CFHR1: variants seen among roughly 807,000 people sequenced by gnomAD.
CFHR1 encodes the protein complement factor H-related protein 1.
A neutral mutation model predicts 30.4 loss-of-function variants in CFHR1; 22 were observed. The ratio of observed to expected loss-of-function variants is 0.72; its 90% CI spans 0.52 to 1.03. The LOEUF (loss-of-function observed/expected upper bound fraction) is 1.03, where lower values mean the gene tolerates loss of function less well. Ranked by LOEUF, CFHR1 falls within the 50% of genes least tolerant of loss-of-function variation. CFHR1 has a pLI of 0.00. For synonymous variants in CFHR1, 95 were observed against 129.1 expected (o/e 0.74, Z 1.79); for missense variants, 248 against 380.6 (o/e 0.65, Z 2.90).
rs148561849 is a variant in CFHR1 at position 196,825,580 on chromosome 1, C to T, written c.162C>T (p.Ser54=). 432 of 1,524,086 alleles carry T rather than the reference C, an allele frequency of 2.8e-4. 80 individuals carry two copies. The highest frequency in any genetic ancestry group is 3.6e-4 in the Non-Finnish European group (407 of 1,128,294). 94.4% of individuals were successfully genotyped at this position (1,524,086 alleles called of 1,614,324 possible). The change falls in exon 2 of 6, where the codon TCC becomes TCT. Residue 54 remains serine (S), a synonymous_variant. Coordinates refer to ENST00000320493, the MANE Select transcript of CFHR1 (RefSeq NM_002113.3). ...QVPTGEVFYY[S]CEYNFVSPSK... is the part of the protein sequence containing the mutation. ...CTACAGGGGAAGTTTTCTATTACTCCTGTGAATATAATTTTGTGTCTCCTT... is the reference window on the plus strand; with the variant it reads ...CTACAGGGGAAGTTTTCTATTACTCTTGTGAATATAATTTTGTGTCTCCTT...
rs1182883496 is a variant in CFHR1 at position 196,820,923 on chromosome 1, T to A, written c.58+1021T>A. 5 of 133,728 alleles carry A rather than the reference T, an allele frequency of 3.7e-5. 1 individual carries two copies. The highest frequency in any genetic ancestry group is 7.7e-5 in the Non-Finnish European group (5 of 64,948). 8.3% of individuals were successfully genotyped at this position (133,728 alleles called of 1,614,324 possible). On this transcript the variant is annotated intron_variant, in intron 1 of 5. Coordinates refer to ENST00000320493, the MANE Select transcript of CFHR1 (RefSeq NM_002113.3). ...GGTGTGATTTCGGCTCACCACAACT[T>A]CCATCTCCTGGGTTCAAGCAATTCT...
At chr1:196,828,992 TTTCTGTCTG>T (rs1416805454) in intron 4 of CFHR1, among the ~76,000 whole-genome samples, 1 of 134,026 alleles carries the variant, frequency 7.5e-6, no homozygotes, top group Non-Finnish European at 1.6e-5. Flanking sequence ...CATTTATTTG[TTTCTGTCTG>T]TTCCCTCTGG....
At position 196,828,211 on chromosome 1, in the gene CFHR1, T is replaced by C; in HGVS notation, c.572T>C (p.Leu191Ser). 1 of 1,237,536 alleles carries C rather than the reference T, an allele frequency of 8.1e-7. No homozygotes were observed. The highest frequency in any genetic ancestry group is 2.6e-5 in the East Asian group (1 of 38,288). 76.7% of individuals were successfully genotyped at this position (1,237,536 alleles called of 1,614,324 possible). The change falls in exon 4 of 6, where the codon TTA becomes TCA. Residue 191 changes from leucine to serine, a missense_variant. Transcript: ENST00000320493. ...EMFGDEEVMC[L>S]NGNWTEPPQC... Reference sequence around the variant, plus strand: ...TTTGGGGATGAAGAAGTGATGTGTTTAAATGGAAACTGGACAGAACCACCT... The same window carrying C: ...TTTGGGGATGAAGAAGTGATGTGTTCAAATGGAAACTGGACAGAACCACCT...
At position 196,826,812 on chromosome 1, in the gene CFHR1, C is replaced by A; in HGVS notation, c.254-17C>A. The A allele has an allele frequency of 6.6e-7, 1 of 1,513,430 alleles. No homozygotes were observed. The highest frequency in any genetic ancestry group is 1.7e-5 in the Admixed American group (1 of 57,942). The allele number at this position is 1,513,430 out of a possible 1,614,324, so 93.8% of individuals were successfully genotyped here. A position where few individuals can be genotyped will look rare whatever the true frequency, so the allele number is the denominator to read the frequency against. On this transcript the variant is annotated splice_polypyrimidine_tract_variant and intron_variant, in intron 2 of 5. Transcript: ENST00000320493. ...TGCTACTTCCATCTTGTACATTAAT[C>A]CGTTTTTGGTCCTTAGGACTGTGTT...
chr1:196,827,215 G>A lies in CFHR1; in HGVS notation c.430+210G>A, dbSNP rs1209101242. On this transcript the variant is annotated intron_variant, in intron 3 of 5. Transcript: ENST00000320493. ...GTTCTCAAAGTGTGGTCGCTAAACCGGTAGCATCATCATCTCCTTGGAGAT... is the reference window on the plus strand; with the variant it reads ...GTTCTCAAAGTGTGGTCGCTAAACCAGTAGCATCATCATCTCCTTGGAGAT... Among the ~76,000 whole-genome samples the A allele has an allele frequency of 5.9e-5, 8 of 135,162 alleles. 2 individuals are homozygous for A. Among genetic ancestry groups the A allele is most frequent in the Admixed American group, 1.4e-4 (2 of 14,014 alleles). The allele number at this position is 135,162 out of a possible 152,430, so 88.7% of individuals were successfully genotyped here. A position where few individuals can be genotyped will look rare whatever the true frequency, so the allele number is the denominator to read the frequency against.
chr1:196,829,578 G>A (rs193090909), intron 4 of CFHR1, among the ~76,000 whole-genome samples: 3 of 134,116 alleles, frequency 2.2e-5, no homozygotes, highest in African/African-American at 6.4e-5. Flanking sequence ...GTAAAAGATC[G>A]TGTCACTGGA....
Position 196,820,403 on chromosome 1 carries a change from A to G in CFHR1, c.58+501A>G, listed in dbSNP as rs1353285041. 4.2e-5 allele frequency among the ~76,000 whole-genome samples: 4 copies of G among 95,904 alleles called. 2 individuals are homozygous for G. The highest frequency in any genetic ancestry group is 2.2e-4 in the Admixed American group (2 of 8,904). The allele number at this position is 95,904 out of a possible 152,430, so 62.9% of individuals were successfully genotyped here. ...ATATTTTACTGAAACAATAGAAAAT[A>G]TCATTTATATATAAACCAGTGAACT... On this transcript the variant is annotated intron_variant, in intron 1 of 5. Coordinates refer to ENST00000320493, the MANE Select transcript of CFHR1 (RefSeq NM_002113.3).
chr1:196,829,686 A>G lies in CFHR1; in HGVS notation c.608-814A>G, dbSNP rs1209223381. Among the ~76,000 whole-genome samples, 5 of 135,228 alleles carry G rather than the reference A, an allele frequency of 3.7e-5. 1 individual carries two copies. The highest frequency in any genetic ancestry group is 7.1e-5 in the Admixed American group (1 of 14,094). 88.7% of individuals were successfully genotyped at this position (135,228 alleles called of 152,430 possible). ...CATCATTTGAATTGTTGATCCCCTC[A>G]AGGAAAAGCATAGTTTTTGTCTAGT... On this transcript the variant is annotated intron_variant, in intron 4 of 5. Transcript: ENST00000320493.
chr1:196,823,835 A>G (rs1213963390), intron 1 of CFHR1, among the ~76,000 whole-genome samples: 2 of 134,532 alleles, frequency 1.5e-5, no homozygotes, highest in Non-Finnish European at 3.1e-5. Context: ...AACATAAACT[A>G]TGAACTTTGG....
At chr1:196,825,300 T>G in intron 1 of CFHR1, 177 bp from the exon 2 acceptor site, 1 of 459,694 alleles carries the variant, frequency 2.2e-6, no homozygotes, top group South Asian at 2.7e-5. Context: ...CAAATAGTCA[T>G]GTACTCCTAG....
At chr1:196,825,790 G>A in intron 2 of CFHR1, 119 bp downstream of exon 2, 1 of 1,002,748 alleles carries the variant, frequency 1.0e-6, no homozygotes, top group Non-Finnish European at 1.5e-6. Context: ...CTGGAAAGAT[G>A]GGAGATGTAG....
Position 196,831,985 on chromosome 1 carries a change from T to A in CFHR1, c.979T>A (p.Cys327Ser). ...GGATGGGAAACTGGAGTATCCAACTTGTGCAAAAAGATAGAATCAATCATA... is the reference window on the plus strand; with the variant it reads ...GGATGGGAAACTGGAGTATCCAACTAGTGCAAAAAGATAGAATCAATCATA... The part of the protein sequence containing the change: ...CWDGKLEYPT[C>S]AKR The change falls in exon 6 of 6, where the codon TGT becomes AGT. Residue 327 changes from cysteine to serine, a missense_variant. Physicochemically the swap from Cys to Ser is moderately radical, Grantham distance 112. Coordinates refer to ENST00000320493, the MANE Select transcript of CFHR1 (RefSeq NM_002113.3). The A allele has an allele frequency of 7.9e-6, 12 of 1,523,370 alleles. 4 individuals are homozygous for A. The highest frequency in any genetic ancestry group is 1.1e-5 in the Non-Finnish European group (12 of 1,127,174). The allele number at this position is 1,523,370 out of a possible 1,614,324, so 94.4% of individuals were successfully genotyped here.
At position 196,830,801 on chromosome 1, in the gene CFHR1, C is replaced by T; in HGVS notation, c.790+119C>T. The T allele has an allele frequency of 4.5e-6, 6 of 1,324,068 alleles. 1 individual carries two copies. Among genetic ancestry groups the T allele is most frequent in the Non-Finnish European group, 5.2e-6 (5 of 960,242 alleles). The allele number at this position is 1,324,068 out of a possible 1,614,324, so 82.0% of individuals were successfully genotyped here. Reference sequence around the variant, plus strand: ...ACCATTCTGCTGAATGCCTGCCTACCAAAAATTTCTTTTAGAAAGTAAAGT... The same window carrying T: ...ACCATTCTGCTGAATGCCTGCCTACTAAAAATTTCTTTTAGAAAGTAAAGT... On this transcript the variant is annotated intron_variant, in intron 5 of 5. Coordinates refer to ENST00000320493, the MANE Select transcript of CFHR1 (RefSeq NM_002113.3).
In CFHR1 at chr1:196,823,466, G is replaced by A. The variant is rs536493433; in HGVS notation, c.59-2011G>A. On this transcript the variant is annotated intron_variant, in intron 1 of 5. Coordinates refer to ENST00000320493, the MANE Select transcript of CFHR1 (RefSeq NM_002113.3). ...TATGGTAGGTTAATACTATCAAGAC[G>A]GGAGTCTTTCCCTCAACACCTTTAC... 1.4e-4 allele frequency among the ~76,000 whole-genome samples: 19 copies of A among 134,724 alleles called. 3 individuals carry two copies. Among genetic ancestry groups the A allele is most frequent in the African/African-American group, 2.9e-4 (9 of 31,450 alleles). 88.4% of individuals were successfully genotyped at this position (134,724 alleles called of 152,430 possible). A position where few individuals can be genotyped will look rare whatever the true frequency, so the allele number is the denominator to read the frequency against.
At chr1:196,820,895 A>G (rs1369811127) in intron 1 of CFHR1, 1 of 133,008 alleles carries the variant, frequency 7.5e-6, no homozygotes, top group Non-Finnish European at 1.5e-5. Context: ...GCTGGAGTGC[A>G]ATGGTGTGAT....
chr1:196,824,748 GTATATATA>G lies in CFHR1; in HGVS notation c.59-703_59-696del, dbSNP rs71131725. Among the ~76,000 whole-genome samples the G allele has an allele frequency of 1.1e-3, 61 of 55,018 alleles. 9 individuals carry two copies. Among genetic ancestry groups the G allele is most frequent in the South Asian group, 3.0e-3 (4 of 1,330 alleles). The allele number at this position is 55,018 out of a possible 152,430, so 36.1% of individuals were successfully genotyped here. A position where few individuals can be genotyped will look rare whatever the true frequency, so the allele number is the denominator to read the frequency against. ...CGAAGTGAAACGAGTGGGGCTGACT[GTATATATA>G]TATATATATATATATATATATATAT... On this transcript the variant is annotated intron_variant, in intron 1 of 5. Coordinates refer to ENST00000320493, the MANE Select transcript of CFHR1 (RefSeq NM_002113.3).
At chr1:196,831,022 G>C (rs1655536003) in intron 5 of CFHR1, among the ~76,000 whole-genome samples, 1 of 134,140 alleles carries the variant, frequency 7.5e-6, no homozygotes, top group African/African-American at 3.2e-5. Flanking sequence ...GTCCCAGCTA[G>C]TCGGGAGTCT....
At position 196,832,073 on chromosome 1, in the gene CFHR1, T is replaced by C. The variant is rs1440016904; in HGVS notation, c.*74T>C. ...AGTTCTTAATTTCATTTTTAAGTAT[T>C]GTTTTACTCCTTTTTATTCATACGT... On this transcript the variant is annotated 3_prime_UTR_variant, in exon 6 of 6. Coordinates refer to ENST00000320493, the MANE Select transcript of CFHR1 (RefSeq NM_002113.3). 2.7e-5 allele frequency: 37 copies of C among 1,348,884 alleles called. 4 individuals are homozygous for C. The highest frequency in any genetic ancestry group is 3.7e-5 in the Non-Finnish European group (36 of 982,956). The allele number at this position is 1,348,884 out of a possible 1,614,324, so 83.6% of individuals were successfully genotyped here.
At chr1:196,824,014 AG>A in intron 1 of CFHR1, among the ~76,000 whole-genome samples, 1 of 93,046 alleles carries the variant, frequency 1.1e-5, no homozygotes, top group Non-Finnish European at 2.1e-5. Flanking sequence ...ACACAAAAAA[AG>A]AGTAAAAAGT....
Sources: gnomAD v4.1 joint callset for allele counts (sites outside exome capture counted in the v4.1 genomes callset) on GRCh38, gnomAD v4.1.1 for gene constraint, MANE v1.5 for transcripts, NCBI Gene and HGNC (gene_info 2026-07-23, HGNC 2026-07-21) for gene names.